Variants in PHC3 observed in about 807,000 individuals in gnomAD.
PHC3 encodes polyhomeotic homolog 3, also known as polyhomeotic-like protein 3.
PHC3 carries 13 observed loss-of-function variants against 107.4 expected under a neutral mutation model. That is an observed-to-expected ratio of 0.12 (90% confidence interval 0.08 to 0.19). The LOEUF is 0.19. Ranked by LOEUF, PHC3 falls within the 10% of genes least tolerant of loss-of-function variation. The pLI is 1.00. For missense variants in PHC3, 992 were observed against 1,210.9 expected (o/e 0.82, Z 2.68); for synonymous variants, 456 against 427.4 (o/e 1.07, Z -0.83).
At position 170,129,394 on chromosome 3, in the gene PHC3, G is replaced by C. The variant is rs1346331625; in HGVS notation, c.1078C>G (p.Pro360Ala). 6.2e-7 allele frequency: 1 copy of C among 1,613,900 alleles called. No individual in the cohort carries two copies. Among genetic ancestry groups the C allele is most frequent in the Non-Finnish European group, 8.5e-7 (1 of 1,179,888 alleles). ...TGGAGTGGTATACAGTGCTGGGATGGGGGTGGGTCTTGAGTTGAATTCTGA... is the reference window on the plus strand; with the variant it reads ...TGGAGTGGTATACAGTGCTGGGATGCGGGTGGGTCTTGAGTTGAATTCTGA... The part of the protein sequence containing the change: ...TLQNSTQDPP[P>A]SQHCIPLQNH... Residue 360 changes from proline (P) to alanine (A), a missense_variant, in exon 8 of 15, where the codon CCA becomes GCA. Transcript: ENST00000495893.
In PHC3 at chr3:170,180,728, C is replaced by G. The variant is rs566667599; in HGVS notation, c.14+974G>C. On this transcript the variant is annotated intron_variant, in intron 1 of 14. Transcript: ENST00000495893. Reference sequence around the variant, plus strand: ...GTACCAGTGACATGCAAAAGGCCAGCTTAAGTTCTGGTTTTTTAAAAGTGT... The same window carrying G: ...GTACCAGTGACATGCAAAAGGCCAGGTTAAGTTCTGGTTTTTTAAAAGTGT... Among the ~76,000 whole-genome samples, 3 of 152,236 alleles carry G rather than the reference C, an allele frequency of 2.0e-5. No individual in the cohort carries two copies. The South Asian group carries it at 6.2e-4, about 32-fold the overall frequency.
intron 6 of PHC3, among the ~76,000 whole-genome samples, chr3:170,138,600 G>C (rs1723517761): frequency 7.0e-6 from 1 of 143,672 alleles, no homozygotes; most frequent in South Asian, 2.2e-4. Context: ...TGAGGCAGGA[G>C]AATTGCTTGA....
intron 11 of PHC3, among the ~76,000 whole-genome samples, chr3:170,112,772 C>T (rs1396706486): frequency 1.3e-5 from 2 of 152,168 alleles, no homozygotes; most frequent in Admixed American, 6.5e-5. Flanking sequence ...GATCTGCCTG[C>T]CTCGGCCTCC....
chr3:170,125,671 C>T (rs763271999), intron 8 of PHC3, among the ~76,000 whole-genome samples: 19 of 152,102 alleles, frequency 1.2e-4, no homozygotes, highest in Non-Finnish European at 5.9e-5. Context: ...CCATCAAATA[C>T]TGTAAAATAC....
rs368690973 is a variant in PHC3 at position 170,136,242 on chromosome 3, A to C, written c.919+177T>G. 67 of 678,752 alleles carry C rather than the reference A, an allele frequency of 9.9e-5. No individual in the cohort carries two copies. The East Asian group carries it at 1.8e-3, about 18-fold the overall frequency. The allele number at this position is 678,752 out of a possible 1,614,324, so 42.0% of individuals were successfully genotyped here. ...CTATTATATTGTTACAATTTATTTTATCTTTTGGGCTTTTTTGTCTCTTTT... is the reference window on the plus strand; with the variant it reads ...CTATTATATTGTTACAATTTATTTTCTCTTTTGGGCTTTTTTGTCTCTTTT... On this transcript the variant is annotated intron_variant, in intron 7 of 14. Transcript: ENST00000495893.
intron 7 of PHC3, among the ~76,000 whole-genome samples, chr3:170,134,534 A>G (rs760904078): frequency 7.2e-5 from 11 of 152,168 alleles, no homozygotes; most frequent in Non-Finnish European, 1.6e-4. Flanking sequence ...GCCTACTTAC[A>G]TAAGATTCAG....
chr3:170,113,583 T>C, intron 10 of PHC3, 64 bp from the exon 11 acceptor site: 1 of 1,449,198 alleles, frequency 6.9e-7, no homozygotes, highest in East Asian at 2.3e-5. Context: ...AATACTTTGG[T>C]TTAAAAAACT....
chr3:170,175,353 G>A (rs980269412), intron 2 of PHC3, among the ~76,000 whole-genome samples: 1 of 152,088 alleles, frequency 6.6e-6, no homozygotes, highest in Non-Finnish European at 1.5e-5. Context: ...TATATTAAGC[G>A]ATCACATTAT....
At chr3:170,110,357 C>T (rs1717395955) in intron 11 of PHC3, among the ~76,000 whole-genome samples, 2 of 152,160 alleles carry the variant, frequency 1.3e-5, no homozygotes, top group Admixed American at 6.6e-5. Context: ...CCCCTCTAAT[C>T]CAACCCTCTA....
At chr3:170,108,541 C>A (rs962387616) in intron 11 of PHC3, among the ~76,000 whole-genome samples, 2 of 152,136 alleles carry the variant, frequency 1.3e-5, no homozygotes, top group African/African-American at 4.8e-5. Context: ...AATTTAGTAG[C>A]AATGAGGAAG....
intron 6 of PHC3, among the ~76,000 whole-genome samples, chr3:170,143,752 A>T (rs1256669671): frequency 2.6e-5 from 4 of 152,204 alleles, no homozygotes; most frequent in Non-Finnish European, 5.9e-5. Context: ...GAGTTTTGAC[A>T]TATCTATATA....
intron 14 of PHC3, chr3:170,102,257 C>T: frequency 2.0e-6 from 2 of 985,358 alleles, no homozygotes; most frequent in Non-Finnish European, 2.4e-6. Context: ...AGAAGCAGGA[C>T]TAGTCAGTTT....
rs775230132 is a variant in PHC3, at chr3:170,172,631, A to G, written c.262T>C (p.Leu88=). Residue 88 remains leucine, a synonymous_variant, in exon 3 of 15, where the codon TTG becomes CTG. Coordinates refer to ENST00000495893, the MANE Select transcript of PHC3 (RefSeq NM_024947.4). ...QQMYAAQQQH[L]MLHTAALQQQ... is the part of the protein sequence containing the mutation. ...TGAAGAGCTGCAGTATGCAGCATCA[A>G]GTGCTGTTGTTGGGCTGCATACATT... 1.9e-6 allele frequency: 3 copies of G among 1,613,712 alleles called. No individual in the cohort carries two copies. Among genetic ancestry groups the G allele is most frequent in the Admixed American group, 1.7e-5 (1 of 60,016 alleles).
intron 2 of PHC3, among the ~76,000 whole-genome samples, chr3:170,178,179 T>C (rs1290188225): frequency 6.6e-6 from 1 of 150,882 alleles, no homozygotes; most frequent in Non-Finnish European, 1.5e-5. Context: ...AGTCTCGTTC[T>C]GTCGCTCAGG....
At position 170,178,877 on chromosome 3, in the gene PHC3, T is replaced by C; in HGVS notation, c.76A>G (p.Thr26Ala). 1 of 1,613,982 alleles carries C rather than the reference T, an allele frequency of 6.2e-7. No homozygotes were observed. Among genetic ancestry groups the C allele is most frequent in the Non-Finnish European group, 8.5e-7 (1 of 1,179,870 alleles). ...GTGGTGGTGGTACTGCTGGTTGTTG[T>C]TGACACAGAAGATGTTCCCGGGTTT... Reference protein sequence around the residue: ...EPNPGTSSVSTTTSSTTTTTI... With the variant: ...EPNPGTSSVSATTSSTTTTTI... Residue 26 changes from threonine (T) to alanine (A), a missense_variant, in exon 2 of 15, where the codon ACA becomes GCA. By Grantham distance (58) the Thr-to-Ala change is moderately conservative. Coordinates refer to ENST00000495893, the MANE Select transcript of PHC3 (RefSeq NM_024947.4).
intron 7 of PHC3, among the ~76,000 whole-genome samples, chr3:170,133,131 A>G (rs534841909): frequency 6.6e-6 from 1 of 152,226 alleles, no homozygotes; most frequent in African/African-American, 2.4e-5. Context: ...TTTCTAATTG[A>G]GGACAAATAA....
intron 7 of PHC3, among the ~76,000 whole-genome samples, chr3:170,133,958 T>A (rs1722655633): frequency 6.6e-6 from 1 of 152,106 alleles, no homozygotes; most frequent in Non-Finnish European, 1.5e-5. Flanking sequence ...CCTTTCATTA[T>A]AATTTATCAA....
At chr3:170,129,928 A>C (rs1721975665) in intron 7 of PHC3, among the ~76,000 whole-genome samples, 1 of 152,146 alleles carries the variant, frequency 6.6e-6, no homozygotes, top group African/African-American at 2.4e-5. Flanking sequence ...TTGAAACCTG[A>C]CCTGAAGTGA....
chr3:170,131,562 A>T (rs965509992), intron 7 of PHC3, among the ~76,000 whole-genome samples: 1 of 152,212 alleles, frequency 6.6e-6, no homozygotes, highest in Non-Finnish European at 1.5e-5. Flanking sequence ...GGCTGGGCGC[A>T]ATGGCTCATG....
Sources: gnomAD v4.1 joint callset for allele counts (sites outside exome capture counted in the v4.1 genomes callset) on GRCh38, gnomAD v4.1.1 for gene constraint, MANE v1.5 for transcripts, NCBI Gene and HGNC (gene_info 2026-07-23, HGNC 2026-07-21) for gene names.